EREG: variants seen among roughly 807,000 people sequenced by gnomAD.
EREG encodes proepiregulin.
EREG carries 23 observed loss-of-function variants against 22.4 expected under a neutral mutation model. The observed-to-expected ratio is 1.03, with a 90% CI of 0.74 to 1.46. The LOEUF (loss-of-function observed/expected upper bound fraction) is 1.46. Ranked by LOEUF, EREG falls within the 40% of genes most tolerant of loss-of-function variation. The pLI is 0.00. For synonymous variants in EREG, 100 were observed against 75.4 expected (o/e 1.33, Z -1.69); for missense variants, 226 against 205.9 (o/e 1.10, Z -0.60).
chr4:74,375,306 C>CTTTTTTTTTT (rs71219383), intron 1 of EREG, among the ~76,000 whole-genome samples: 2 of 61,014 alleles, frequency 3.3e-5, no homozygotes, highest in African/African-American at 7.2e-5. Context: ...ACTAGCGATT[C>CTTTTTTTTTT]TTTTTTTTTT....
intron 1 of EREG, among the ~76,000 whole-genome samples, chr4:74,365,797 G>C (rs894415344): frequency 2.6e-5 from 4 of 151,866 alleles, no homozygotes; most frequent in Non-Finnish European, 2.9e-5. Context: ...TTTTTTGGAG[G>C]GGGGAAAAAG....
chr4:74,371,022 G>GTCTC (rs1305856417), intron 1 of EREG, among the ~76,000 whole-genome samples: 1 of 151,984 alleles, frequency 6.6e-6, no homozygotes, highest in Non-Finnish European at 1.5e-5. Flanking sequence ...AGCAACCCTG[G>GTCTC]TCTCTACCCA....
Position 74,365,285 on chromosome 4 carries a change from C to A in EREG, c.-24C>A. On this transcript the variant is annotated 5_prime_UTR_variant, in exon 1 of 5. Transcript: ENST00000244869. ...CTCTCCGCAGCCGCCCTCCGCCAAGCCCCAGCGCCCGCTCCCATCGCCGAT... is the reference window on the plus strand; with the variant it reads ...CTCTCCGCAGCCGCCCTCCGCCAAGACCCAGCGCCCGCTCCCATCGCCGAT... The A allele has an allele frequency of 6.3e-7, 1 of 1,594,922 alleles. No homozygotes were observed. The highest frequency in any genetic ancestry group is 8.5e-7 in the Non-Finnish European group (1 of 1,175,260).
intron 1 of EREG, among the ~76,000 whole-genome samples, chr4:74,378,829 A>T (rs1752427192): frequency 6.6e-6 from 1 of 152,174 alleles, no homozygotes; most frequent in Non-Finnish European, 1.5e-5. Context: ...GACTCTTCCT[A>T]TGCTGATAGA....
intron 1 of EREG, among the ~76,000 whole-genome samples, chr4:74,372,434 C>T (rs1578817708): frequency 6.6e-6 from 1 of 152,196 alleles, no homozygotes. Context: ...AGTCAATATG[C>T]TTCTCAAGAT....
chr4:74,377,406 T>G (rs1030173880), intron 1 of EREG, among the ~76,000 whole-genome samples: 2 of 152,228 alleles, frequency 1.3e-5, no homozygotes, highest in African/African-American at 4.8e-5. Flanking sequence ...TATTGCCTAT[T>G]TCCAAATTCT....
In EREG at chr4:74,365,369, T is replaced by A. The variant is rs1302036756; in HGVS notation, c.61T>A (p.Cys21Ser). Reference sequence around the variant, plus strand: ...CGGCAGGGTCCCTGCGCTGCTGCTCTGCCTGGGTAAGTTCTCCCCCTCTGG... The same window carrying A: ...CGGCAGGGTCCCTGCGCTGCTGCTCAGCCTGGGTAAGTTCTCCCCCTCTGG... ...CAGRVPALLL[C>S]LGFHLLQAVL... Residue 21 changes from cysteine (C) to serine (S), a missense_variant, in exon 1 of 5, where the codon TGC (cysteine) becomes AGC (serine). Coordinates refer to ENST00000244869, the MANE Select transcript of EREG (RefSeq NM_001432.3). The A allele has an allele frequency of 6.2e-7, 1 of 1,611,876 alleles. No homozygotes were observed. Among genetic ancestry groups the A allele is most frequent in the South Asian group, 1.1e-5 (1 of 91,064 alleles).
Position 74,372,020 on chromosome 4 carries a change from C to T in EREG, c.67+6645C>T, listed in dbSNP as rs74455370. Among the ~76,000 whole-genome samples the T allele has an allele frequency of 3.6e-3, 549 of 152,242 alleles. 3 individuals carry two copies. Among genetic ancestry groups the T allele is most frequent in the African/African-American group, 0.013 (524 of 41,534 alleles). On this transcript the variant is annotated intron_variant, in intron 1 of 4. Transcript: ENST00000244869. ...TGTTCAATATCTTGCATGTAGACAA[C>T]GCTCAATAGATATTTATTGAGTAAA... is the stretch of plus-strand genomic sequence containing the variant.
At chr4:74,381,257 A>G in intron 3 of EREG, 120 bp downstream of exon 3, 2 of 816,050 alleles carry the variant, frequency 2.5e-6, no homozygotes, top group Non-Finnish European at 3.9e-6. Flanking sequence ...CTTTTAGAGT[A>G]CCTACCCCTC....
intron 1 of EREG, among the ~76,000 whole-genome samples, chr4:74,373,491 C>T (rs996044785): frequency 3.0e-4 from 45 of 151,168 alleles, no homozygotes; most frequent in African/African-American, 9.5e-4. Context: ...TGCTATAGAC[C>T]GTTTTTACCT....
intron 1 of EREG, among the ~76,000 whole-genome samples, chr4:74,376,437 G>T (rs766733912): frequency 1.1e-4 from 16 of 152,136 alleles, no homozygotes; most frequent in Admixed American, 2.6e-4. Flanking sequence ...AACTGTATTA[G>T]TTAAAGGATT....
rs1752560009 is a variant in EREG at position 74,385,852 on chromosome 4, A to G, written c.*1044A>G. Reference sequence around the variant, plus strand: ...GTTTTAACTTTAATACAGCTCAGTAAATGGCTTCTTCTAGAATGTAAAGTT... The same window carrying G: ...GTTTTAACTTTAATACAGCTCAGTAGATGGCTTCTTCTAGAATGTAAAGTT... On this transcript the variant is annotated 3_prime_UTR_variant, in exon 5 of 5. Coordinates refer to ENST00000244869, the MANE Select transcript of EREG (RefSeq NM_001432.3). 3 of 396,702 alleles carry G rather than the reference A, an allele frequency of 7.6e-6. No homozygotes were observed. In the East Asian group the frequency reaches 1.1e-4, roughly 14 times the overall value. 24.6% of individuals were successfully genotyped at this position (396,702 alleles called of 1,614,324 possible).
chr4:74,384,451 C>T (rs950967329), intron 4 of EREG, among the ~76,000 whole-genome samples: 6 of 152,114 alleles, frequency 3.9e-5, no homozygotes, highest in Admixed American at 1.3e-4. Flanking sequence ...TGTGGCCACA[C>T]GCCTCTTGGA....
At chr4:74,377,902 C>T (rs1003504589) in intron 1 of EREG, among the ~76,000 whole-genome samples, 1 of 152,160 alleles carries the variant, frequency 6.6e-6, no homozygotes, top group Non-Finnish European at 1.5e-5. Context: ...GTCCCTCTCT[C>T]AATACATGGG....
At position 74,387,140 on chromosome 4, in the gene EREG, ATG is replaced by A; in HGVS notation, c.*2335_*2336del. 6.6e-6 allele frequency: 1 copy of A among 152,224 alleles called. No individual in the cohort carries two copies. The highest frequency in any genetic ancestry group is 1.9e-4 in the East Asian group (1 of 5,186). 9.4% of individuals were successfully genotyped at this position (152,224 alleles called of 1,614,324 possible). On this transcript the variant is annotated 3_prime_UTR_variant, in exon 5 of 5. Transcript: ENST00000244869. ...AAAGATGATTTAAGTATACAGGAGGATGTGAATAGGTTATATGCAAGCACTAT... is the reference window on the plus strand; with the variant it reads ...AAAGATGATTTAAGTATACAGGAGGATGAATAGGTTATATGCAAGCACTAT...
intron 4 of EREG, among the ~76,000 whole-genome samples, chr4:74,383,829 T>A (rs1183482741): frequency 6.6e-6 from 1 of 152,166 alleles, no homozygotes; most frequent in African/African-American, 2.4e-5. Flanking sequence ...GAACTAAATA[T>A]TATTAAAACT....
At chr4:74,366,974 G>T (rs762366304) in intron 1 of EREG, among the ~76,000 whole-genome samples, 2 of 152,124 alleles carry the variant, frequency 1.3e-5, no homozygotes, top group Non-Finnish European at 2.9e-5. Flanking sequence ...AGAGCCCATA[G>T]CCTTATTTTG....
intron 1 of EREG, among the ~76,000 whole-genome samples, chr4:74,376,286 T>G (rs1274683824): frequency 6.6e-6 from 1 of 152,150 alleles, no homozygotes. Flanking sequence ...AATGTGCATT[T>G]TTTTCCCCCT....
rs1017250211 is a variant in EREG at position 74,388,385 on chromosome 4, A to G, written c.*3577A>G. On this transcript the variant is annotated 3_prime_UTR_variant, in exon 5 of 5. Coordinates refer to ENST00000244869, the MANE Select transcript of EREG (RefSeq NM_001432.3). ...TTAAAAAGAGTAATTTCATTTAAAT[A>G]TCTGTTATTCAAATTTGATGATGTT... 1 of 152,514 alleles carries G rather than the reference A, an allele frequency of 6.6e-6. No homozygotes were observed. The highest frequency in any genetic ancestry group is 2.4e-5 in the African/African-American group (1 of 41,466). The allele number at this position is 152,514 out of a possible 1,614,324, so 9.4% of individuals were successfully genotyped here. A position where few individuals can be genotyped will look rare whatever the true frequency, so the allele number is the denominator to read the frequency against.
Sources: allele counts gnomAD v4.1 joint callset (sites outside exome capture counted in the v4.1 genomes callset), GRCh38; gene constraint gnomAD v4.1.1; transcripts MANE v1.5; gene names NCBI Gene and HGNC (gene_info 2026-07-23, HGNC 2026-07-21).